Variants in RXFP1 observed in about 807,000 individuals in gnomAD.
The protein encoded by RXFP1 is relaxin receptor 1.
A neutral mutation model predicts 89.8 loss-of-function variants in RXFP1; 73 were observed. That is an observed-to-expected ratio of 0.81 (90% CI 0.67 to 0.99). The LOEUF (loss-of-function observed/expected upper bound fraction) is 0.99, where lower values mean the gene tolerates loss of function less well. RXFP1 is among the 50% of genes least tolerant of loss of function. The pLI, the probability that RXFP1 is intolerant of heterozygous loss-of-function variation, is 0.00. For synonymous variants in RXFP1, 277 were observed against 305.5 expected, an observed-to-expected ratio of 0.91 and a Z score of 0.97; for missense variants, 793 against 895.5, an observed-to-expected ratio of 0.89 and a Z score of 1.46.
chr4:158,557,483 T>G (rs1423302720), intron 1 of RXFP1, among the ~76,000 whole-genome samples: 1 of 152,142 alleles, frequency 6.6e-6, no homozygotes, highest in East Asian at 1.9e-4. Flanking sequence ...ATAAATTCCT[T>G]TAAGTATGAG....
At chr4:158,546,329 A>G (rs1016002472) in intron 1 of RXFP1, among the ~76,000 whole-genome samples, 1 of 152,192 alleles carries the variant, frequency 6.6e-6, no homozygotes, top group African/African-American at 2.4e-5. Context: ...GAAGTTGCTT[A>G]TCAGCTTAAA....
Position 158,605,073 on chromosome 4 carries a change from T to C in RXFP1, c.398T>C (p.Leu133Pro). 6.4e-7 allele frequency: 1 copy of C among 1,567,292 alleles called. No individual in the cohort carries two copies. The highest frequency in any genetic ancestry group is 8.7e-7 in the Non-Finnish European group (1 of 1,144,820). The change falls in exon 5 of 18, where the codon CTT becomes CCT. Residue 133 changes from leucine to proline, a missense_variant. Coordinates refer to ENST00000307765, the MANE Select transcript of RXFP1 (RefSeq NM_021634.4). ...SVSSNVTAMS[L>P]QWNLIRKLPP... The stretch of plus-strand genomic sequence containing the variant: ...AAAATTTACATTTATTTCAGGTCAC[T>C]TCAGTGGAACTTAATAAGAAAGCTT...
chr4:158,649,582 G>A (rs1192591057), intron 17 of RXFP1, among the ~76,000 whole-genome samples: 2 of 152,152 alleles, frequency 1.3e-5, no homozygotes, highest in Non-Finnish European at 2.9e-5. Flanking sequence ...CTGCACTCCC[G>A]TCTGGGTGAC....
At chr4:158,528,226 G>A (rs1232594775) in intron 1 of RXFP1, among the ~76,000 whole-genome samples, 3 of 152,278 alleles carry the variant, frequency 2.0e-5, no homozygotes, top group Admixed American at 6.5e-5. Flanking sequence ...AAGGCGGGGG[G>A]CAGTGTCTCA....
chr4:158,586,972 G>A (rs148268709), intron 2 of RXFP1, among the ~76,000 whole-genome samples: 4 of 152,000 alleles, frequency 2.6e-5, no homozygotes, highest in East Asian at 3.9e-4. Flanking sequence ...TAAAGAAGCC[G>A]AGTGAAAGAA....
chr4:158,539,290 A>G (rs561289131), intron 1 of RXFP1, among the ~76,000 whole-genome samples: 1 of 152,162 alleles, frequency 6.6e-6, no homozygotes, highest in East Asian at 1.9e-4. Flanking sequence ...ATGAGAACAC[A>G]TGGACACAGG....
At chr4:158,591,662 T>C (rs1759506524) in intron 2 of RXFP1, among the ~76,000 whole-genome samples, 1 of 151,490 alleles carries the variant, frequency 6.6e-6, no homozygotes, top group Non-Finnish European at 1.5e-5. Context: ...GGGAGGAGGA[T>C]CACTTGAGCC....
chr4:158,525,335 G>A (rs2149772821), intron 1 of RXFP1, among the ~76,000 whole-genome samples: 1 of 152,054 alleles, frequency 6.6e-6, no homozygotes, highest in East Asian at 1.9e-4. Context: ...AACATGCGTG[G>A]TACCAATTAA....
At chr4:158,572,121 G>T (rs1415584728) in intron 1 of RXFP1, among the ~76,000 whole-genome samples, 1 of 152,100 alleles carries the variant, frequency 6.6e-6, no homozygotes, top group Non-Finnish European at 1.5e-5. Context: ...ATCGTGTTCT[G>T]CCCCAAAACC....
chr4:158,570,482 G>T (rs964626309), intron 1 of RXFP1, among the ~76,000 whole-genome samples: 7 of 152,108 alleles, frequency 4.6e-5, no homozygotes, highest in African/African-American at 1.7e-4. Flanking sequence ...TGGTGGCACT[G>T]CCATGCTTCC....
chr4:158,571,586 T>C (rs974774480), intron 1 of RXFP1, among the ~76,000 whole-genome samples: 1 of 151,930 alleles, frequency 6.6e-6, no homozygotes, highest in Non-Finnish European at 1.5e-5. Flanking sequence ...CACTTGAACC[T>C]GGGAGGCGGA....
At chr4:158,598,557 T>C (rs1483803286) in intron 3 of RXFP1, among the ~76,000 whole-genome samples, 1 of 152,178 alleles carries the variant, frequency 6.6e-6, no homozygotes, top group Non-Finnish European at 1.5e-5. Context: ...ATAATCTCAT[T>C]ATTCTGTTTA....
chr4:158,608,279 C>CTTTTTTTTTTT (rs756131500), intron 6 of RXFP1, among the ~76,000 whole-genome samples: 4 of 76,102 alleles, frequency 5.3e-5, no homozygotes, highest in Admixed American at 1.6e-4. Flanking sequence ...GTATTCCTTT[C>CTTTTTTTTTTT]TTTTTTTTTT....
chr4:158,558,655 T>C (rs954976902), intron 1 of RXFP1, among the ~76,000 whole-genome samples: 1 of 152,182 alleles, frequency 6.6e-6, no homozygotes, highest in Non-Finnish European at 1.5e-5. Context: ...CTTAGGGAAG[T>C]TGTATAAAAT....
intron 8 of RXFP1, among the ~76,000 whole-genome samples, chr4:158,612,866 C>T (rs181698552): frequency 5.2e-4 from 79 of 152,272 alleles, no homozygotes; most frequent in African/African-American, 1.9e-3. Flanking sequence ...ATCTTGGCCT[C>T]CCAAAGTGCT....
At chr4:158,596,773 T>C (rs1760698288) in intron 3 of RXFP1, among the ~76,000 whole-genome samples, 1 of 152,192 alleles carries the variant, frequency 6.6e-6, no homozygotes, top group Admixed American at 6.5e-5. Context: ...GAAGCCTAGT[T>C]ATGAATTTCA....
chr4:158,625,423 A>C (rs138469554), intron 9 of RXFP1, among the ~76,000 whole-genome samples: 2 of 152,274 alleles, frequency 1.3e-5, no homozygotes, highest in East Asian at 3.8e-4. Context: ...GATAGGTTTA[A>C]GTTGGGTTTA....
At chr4:158,527,564 A>AAAAAAT (rs5741905) in intron 1 of RXFP1, among the ~76,000 whole-genome samples, 3 of 98,324 alleles carry the variant, frequency 3.1e-5, no homozygotes, top group African/African-American at 7.0e-5. Flanking sequence ...AAAAAAAAAA[A>AAAAAAT]ATATATATAT....
At chr4:158,545,390 TTTGTAGG>T (rs1183269839) in intron 1 of RXFP1, among the ~76,000 whole-genome samples, 2 of 152,194 alleles carry the variant, frequency 1.3e-5, no homozygotes, top group Admixed American at 1.3e-4. Flanking sequence ...TTTCTCCCAT[TTTGTAGG>T]TTGTCTGTTC....
Sources: allele counts gnomAD v4.1 joint callset (sites outside exome capture counted in the v4.1 genomes callset), GRCh38; gene constraint gnomAD v4.1.1; transcripts MANE v1.5; gene names NCBI Gene and HGNC (gene_info 2026-07-23, HGNC 2026-07-21).